The following RANBP2 variants were observed in gnomAD, a reference collection of about 807,000 sequenced individuals.
The protein encoded by RANBP2 is E3 SUMO-protein ligase RanBP2.
RANBP2 carries 57 observed loss-of-function variants against 303.6 expected under a neutral mutation model. That is an observed-to-expected ratio of 0.19 (90% CI 0.15 to 0.23). The LOEUF (loss-of-function observed/expected upper bound fraction) is 0.23. RANBP2 is among the 10% of genes least tolerant of loss of function. The probability of loss-of-function intolerance (pLI) is 1.00; values close to 1 mark genes in which losing one functional copy is unlikely to be tolerated. For missense variants in RANBP2, 3,138 were observed against 3,780.8 expected (o/e 0.83, Z 4.46); for synonymous variants, 1,167 against 1,301.5 (o/e 0.90, Z 2.23).
At chr2:109,222,174 C>T in the RANBP2 span, among the ~76,000 whole-genome samples, 1 of 152,074 alleles carries the variant, frequency 6.6e-6, no homozygotes, top group African/African-American at 2.4e-5. Flanking sequence ...AGTAGAGTGC[C>T]AGATGCCAGT....
chr2:109,685,239 C>T, the RANBP2 span, among the ~76,000 whole-genome samples: 4 of 152,166 alleles, frequency 2.6e-5, no homozygotes, highest in African/African-American at 9.7e-5. Context: ...TTTAGCCAGG[C>T]CACCATTGAT....
At chr2:108,809,870 A>T in the RANBP2 span, among the ~76,000 whole-genome samples, 1 of 152,136 alleles carries the variant, frequency 6.6e-6, no homozygotes, top group Non-Finnish European at 1.5e-5. Flanking sequence ...CAGCAGCACG[A>T]TATCTGCTCA....
At chr2:109,599,959 G>C in the RANBP2 span, among the ~76,000 whole-genome samples, 2 of 152,110 alleles carry the variant, frequency 1.3e-5, no homozygotes, top group African/African-American at 2.4e-5. Flanking sequence ...AGCCAAACAG[G>C]TGCGCCATTC....
At chr2:109,682,038 C>A in the RANBP2 span, among the ~76,000 whole-genome samples, 4 of 152,138 alleles carry the variant, frequency 2.6e-5, no homozygotes, top group African/African-American at 9.7e-5. Context: ...GTCCAGGACC[C>A]CAGGCTCTTC....
the RANBP2 span, among the ~76,000 whole-genome samples, chr2:109,417,326 G>C: frequency 1.3e-5 from 2 of 152,156 alleles, no homozygotes; most frequent in African/African-American, 2.4e-5. Context: ...GACCGGCTCT[G>C]GGGAGTTCTC....
the RANBP2 span, among the ~76,000 whole-genome samples, chr2:108,806,318 A>G: frequency 6.6e-6 from 1 of 152,168 alleles, no homozygotes; most frequent in Non-Finnish European, 1.5e-5. Flanking sequence ...GCCCATACCT[A>G]TCTCTTAGGT....
chr2:109,198,833 C>T, the RANBP2 span, among the ~76,000 whole-genome samples: 10 of 152,324 alleles, frequency 6.6e-5, no homozygotes, highest in South Asian at 2.1e-4. Context: ...CTGTGTTCCC[C>T]GGCTGCAGAC....
At chr2:109,191,238 G>A in the RANBP2 span, among the ~76,000 whole-genome samples, 1 of 152,164 alleles carries the variant, frequency 6.6e-6, no homozygotes, top group African/African-American at 2.4e-5. Context: ...GCTTAAAAAA[G>A]TGGACGGGAA....
chr2:108,893,572 T>C, the RANBP2 span, among the ~76,000 whole-genome samples: 1 of 151,210 alleles, frequency 6.6e-6, no homozygotes, highest in African/African-American at 2.4e-5. Flanking sequence ...GTCAGAATTA[T>C]AAAGGAGTCA....
chr2:109,732,454 T>C, the RANBP2 span, among the ~76,000 whole-genome samples: 146 of 151,644 alleles, frequency 9.6e-4, no homozygotes, highest in African/African-American at 3.0e-3. Flanking sequence ...CTTCCCTCTT[T>C]CAGTATGAAC....
At chr2:109,029,395 G>A in the RANBP2 span, among the ~76,000 whole-genome samples, 3 of 152,186 alleles carry the variant, frequency 2.0e-5, no homozygotes, top group Non-Finnish European at 4.4e-5. Context: ...AACTTCATTA[G>A]GGTAAGGAAG....
At chr2:109,512,538 C>G in the RANBP2 span, among the ~76,000 whole-genome samples, 34 of 152,246 alleles carry the variant, frequency 2.2e-4, no homozygotes, top group East Asian at 5.4e-3. Flanking sequence ...CCTCCCTGGT[C>G]TACTGCATCT....
the RANBP2 span, among the ~76,000 whole-genome samples, chr2:109,118,105 C>T: frequency 6.6e-6 from 1 of 152,222 alleles, no homozygotes; most frequent in African/African-American, 2.4e-5. Context: ...CTTCTGCGGA[C>T]CCTCATATCC....
the RANBP2 span, among the ~76,000 whole-genome samples, chr2:109,508,289 G>A: frequency 1.2e-4 from 19 of 152,254 alleles, no homozygotes; most frequent in Admixed American, 7.2e-4. Context: ...GATTGATAGC[G>A]CCTGAGGTGT....
chr2:109,196,308 T>G, the RANBP2 span, among the ~76,000 whole-genome samples: 2 of 152,174 alleles, frequency 1.3e-5, no homozygotes, highest in East Asian at 1.9e-4. Context: ...CCTGGATTGG[T>G]GTAGCTCCCC....
chr2:109,014,971 T>C, the RANBP2 span, among the ~76,000 whole-genome samples: 134 of 151,802 alleles, frequency 8.8e-4, no homozygotes, highest in African/African-American at 3.1e-3. Flanking sequence ...AATACAAAAA[T>C]TAGCCAGGCG....
chr2:109,679,499 T>C, the RANBP2 span, among the ~76,000 whole-genome samples: 2 of 152,356 alleles, frequency 1.3e-5, no homozygotes, highest in South Asian at 2.1e-4. Context: ...TGTGCATATG[T>C]GTGTATTTAA....
the RANBP2 span, among the ~76,000 whole-genome samples, chr2:109,420,804 G>A: frequency 6.6e-6 from 1 of 152,212 alleles, no homozygotes; most frequent in Non-Finnish European, 1.5e-5. Flanking sequence ...AGCTTCAAAA[G>A]GTCTAGAAGT....
chr2:109,052,800 T>A, the RANBP2 span, among the ~76,000 whole-genome samples: 2 of 152,188 alleles, frequency 1.3e-5, no homozygotes, highest in Non-Finnish European at 2.9e-5. Flanking sequence ...CGGCCCGGCC[T>A]GTCTTAATTA....
Sources: gnomAD v4.1 joint callset for allele counts (sites outside exome capture counted in the v4.1 genomes callset) on GRCh38, gnomAD v4.1.1 for gene constraint, MANE v1.5 for transcripts, NCBI Gene and HGNC (gene_info 2026-07-23, HGNC 2026-07-21) for gene names.